ZNF850: variants seen among roughly 807,000 people sequenced by gnomAD.
ZNF850 encodes putative zinc finger protein ENSP00000330994.
In ZNF850, 2 loss-of-function variants were observed where a neutral mutation model predicts 11.9. The ratio of observed to expected loss-of-function variants is 0.17; its 90% CI spans 0.07 to 0.53. ZNF850 has a LOEUF of 0.53. ZNF850 is among the 20% of genes least tolerant of loss of function. The pLI is 0.94. For missense variants in ZNF850, 1,014 were observed against 1,316.4 expected (o/e 0.77, Z 3.55); for synonymous variants, 381 against 443.0 (o/e 0.86, Z 1.76).
chr19:36,757,779 G>C (rs113602689), intron 4 of ZNF850, among the ~76,000 whole-genome samples: 2,031 of 152,080 alleles, frequency 0.013, 50 homozygotes, highest in African/African-American at 0.046. Context: ...GCACACCTCA[G>C]CCTCCCAAAG....
At chr19:36,757,380 A>C (rs2040492633) in intron 4 of ZNF850, among the ~76,000 whole-genome samples, 1 of 152,128 alleles carries the variant, frequency 6.6e-6, no homozygotes, top group African/African-American at 2.4e-5. Context: ...TTTTACCATA[A>C]TTATAAATAA....
chr19:36,768,415 C>A (rs1354199883), intron 1 of ZNF850, among the ~76,000 whole-genome samples: 1 of 152,096 alleles, frequency 6.6e-6, no homozygotes, highest in Non-Finnish European at 1.5e-5. Context: ...TCAAGTATTT[C>A]TATTTATTTT....
Position 36,745,996 on chromosome 19 carries a change from T to A in ZNF850, c.*1771A>T, listed in dbSNP as rs576171365. ...AGATGTTTTCTCAGCAAGGTCTTTA[T>A]GACCTGTATCTTATGCTGACCTCAT... On this transcript the variant is annotated 3_prime_UTR_variant, in exon 5 of 5. Coordinates refer to ENST00000591344, the MANE Select transcript of ZNF850 (RefSeq NM_001193552.2). 9.8e-5 allele frequency: 15 copies of A among 152,384 alleles called. No individual in the cohort carries two copies. The highest frequency in any genetic ancestry group is 3.6e-4 in the African/African-American group (15 of 41,598). The allele number at this position is 152,384 out of a possible 1,614,324, so 9.4% of individuals were successfully genotyped here.
rs527764058 is a variant in ZNF850, at chr19:36,744,035, G to C, written c.*3732C>G. The C allele has an allele frequency of 6.6e-6, 1 of 152,250 alleles. No individual in the cohort carries two copies. The highest frequency in any genetic ancestry group is 1.5e-5 in the Non-Finnish European group (1 of 68,100). The allele number at this position is 152,250 out of a possible 1,614,324, so 9.4% of individuals were successfully genotyped here. ...TCTATTAAAAATACAAAATTAGCCG[G>C]GCGTGGTGGTGCATGCCTGTAATCC... is the stretch of plus-strand genomic sequence containing the variant. On this transcript the variant is annotated 3_prime_UTR_variant, in exon 5 of 5. Coordinates refer to ENST00000591344, the MANE Select transcript of ZNF850 (RefSeq NM_001193552.2).
intron 1 of ZNF850, among the ~76,000 whole-genome samples, chr19:36,765,247 G>GCTAACTTGAA (rs1456744867): frequency 6.6e-6 from 1 of 152,166 alleles, no homozygotes; most frequent in Non-Finnish European, 1.5e-5. Flanking sequence ...AGGCCAAAAA[G>GCTAACTTGAA]CTAACTTGAA....
At chr19:36,760,481 G>A (rs533935994) in intron 4 of ZNF850, among the ~76,000 whole-genome samples, 2 of 151,726 alleles carry the variant, frequency 1.3e-5, no homozygotes, top group East Asian at 3.9e-4. Flanking sequence ...TTATTAGACT[G>A]TAATTCTGAT....
Position 36,744,301 on chromosome 19 carries a change from AAG to A in ZNF850, c.*3464_*3465del, listed in dbSNP as rs1243517347. The A allele has an allele frequency of 2.6e-5, 4 of 152,186 alleles. No homozygotes were observed. Among genetic ancestry groups the A allele is most frequent in the African/African-American group, 7.2e-5 (3 of 41,444 alleles). The allele number at this position is 152,186 out of a possible 1,614,324, so 9.4% of individuals were successfully genotyped here. ...TAAAAAATTCTACTTTTTTCATAAA[AAG>A]AGTTAATTTTTAAAAGTGAAAAGTA... On this transcript the variant is annotated 3_prime_UTR_variant, in exon 5 of 5. Transcript: ENST00000591344.
intron 4 of ZNF850, among the ~76,000 whole-genome samples, chr19:36,754,446 A>G (rs548470803): frequency 1.3e-5 from 2 of 152,328 alleles, no homozygotes; most frequent in African/African-American, 4.8e-5. Flanking sequence ...AAAAAGATAT[A>G]ACAATTCTAA....
At position 36,747,881 on chromosome 19, in the gene ZNF850, G is replaced by T; in HGVS notation, c.3159C>A (p.Ser1053Arg). ...CGCCAGTGTGAACACTCTGATGTCG[G>T]CTGAGTCCTGAGGCATAGAAAAAGG... ...GKAFFYASGL[S>R]RHQSVHTGEK... is the part of the protein sequence containing the mutation. The change falls in exon 5 of 5, where the codon AGC becomes AGA. Residue 1053 changes from serine (S) to arginine (R), a missense_variant. Physicochemically the swap from Ser to Arg is moderately radical, Grantham distance 110. This residue lies in a region of ZNF850 where 179 missense variants were observed against 294.4 expected (regional missense o/e 0.61). Transcript: ENST00000591344. 1 of 1,575,060 alleles carries T rather than the reference G, an allele frequency of 6.3e-7. No homozygotes were observed.
chr19:36,749,313 A>G lies in ZNF850; in HGVS notation c.1727T>C (p.Leu576Pro). 2 of 1,561,846 alleles carry G rather than the reference A, an allele frequency of 1.3e-6. No homozygotes were observed. Among genetic ancestry groups the G allele is most frequent in the Non-Finnish European group, 1.7e-6 (2 of 1,157,766 alleles). ...AGTGTGAATTCGCTGATGTTGAATT[A>G]GTGCTGAGCGAGAAGTAAAAGATTT... ...CGKSFTSRSA[L>P]IQHQRIHTGE... The change falls in exon 5 of 5, where the codon CTA (leucine) becomes CCA (proline). Residue 576 changes from leucine (L) to proline (P), a missense_variant. By Grantham distance (98) the Leu-to-Pro change is moderately conservative. Coordinates refer to ENST00000591344, the MANE Select transcript of ZNF850 (RefSeq NM_001193552.2).
intron 1 of ZNF850, among the ~76,000 whole-genome samples, chr19:36,769,280 G>A (rs1227873): frequency 0.013 from 509 of 37,924 alleles, 36 homozygotes; most frequent in African/African-American, 0.048. Context: ...AAAAAAAAAA[G>A]AAAGAAAGAA....
intron 4 of ZNF850, among the ~76,000 whole-genome samples, chr19:36,753,767 T>G (rs373637787): frequency 1.3e-5 from 2 of 152,108 alleles, no homozygotes; most frequent in South Asian, 2.1e-4. Context: ...AGCATATATA[T>G]TTGCAAATGA....
chr19:36,762,369 G>A lies in ZNF850; in HGVS notation c.75C>T (p.Asp25=), dbSNP rs537315141. The change falls in exon 3 of 5, where the codon GAC becomes GAT. Residue 25 remains aspartate (D), a synonymous_variant. Transcript: ENST00000591344. ...DFSQEEWECL[D]AAQKDLYRDV... is the part of the protein sequence containing the mutation. ...CTCTGTATAAGTCCTTCTGAGCAGC[G>A]TCCAGGCACTCCCATTCCTCCTGAG... 979 of 1,587,668 alleles carry A rather than the reference G, an allele frequency of 6.2e-4. 16 individuals are homozygous for A. In the South Asian group the frequency reaches 0.01, roughly 16 times the overall value.
intron 4 of ZNF850, among the ~76,000 whole-genome samples, chr19:36,756,747 GGGACTACA>G (rs1169455138): frequency 2.0e-5 from 3 of 152,106 alleles, no homozygotes; most frequent in African/African-American, 4.8e-5. Context: ...CCAAGTAGCT[GGGACTACA>G]GGTATGCGCC....
chr19:36,771,637 A>AG (rs1480903372), intron 1 of ZNF850, among the ~76,000 whole-genome samples: 2 of 152,108 alleles, frequency 1.3e-5, no homozygotes, highest in Non-Finnish European at 2.9e-5. Flanking sequence ...GGGACCAATG[A>AG]GGGGGTGAAG....
rs1344759442 is a variant in ZNF850, at chr19:36,750,513, ATAC to A, written c.524_526del (p.Cys175_Met176delinsLeu). ...AAGTTCTGAGCCATACTTAAAAGCC[ATAC>A]ATTCTGTGGATTTATACAGTTTCTC... On this transcript the variant is annotated inframe_deletion, in exon 5 of 5. Coordinates refer to ENST00000591344, the MANE Select transcript of ZNF850 (RefSeq NM_001193552.2). 1 of 1,536,144 alleles carries A rather than the reference ATAC, an allele frequency of 6.5e-7. No homozygotes were observed. The highest frequency in any genetic ancestry group is 8.7e-7 in the Non-Finnish European group (1 of 1,146,934).
chr19:36,755,964 G>A (rs2040484104), intron 4 of ZNF850, among the ~76,000 whole-genome samples: 1 of 146,984 alleles, frequency 6.8e-6, no homozygotes, highest in Non-Finnish European at 1.5e-5. Context: ...GGAGTGCAGT[G>A]GTGTGTTCTT....
chr19:36,748,550 T>C lies in ZNF850; in HGVS notation c.2490A>G (p.Gln830=), dbSNP rs1568732356. Residue 830 remains glutamine, a synonymous_variant, in exon 5 of 5, where the codon CAA becomes CAG. Coordinates refer to ENST00000591344, the MANE Select transcript of ZNF850 (RefSeq NM_001193552.2). Reference sequence around the variant, plus strand: ...TCTCACCAGTGTGAACTGGCCGATGTTGAATTAGTGCTGAGCGAAGAGTAA... The same window carrying C: ...TCTCACCAGTGTGAACTGGCCGATGCTGAATTAGTGCTGAGCGAAGAGTAA... ...KSFTLRSALI[Q]HRPVHTGEKR... is the part of the protein sequence containing the mutation. 2.0e-6 allele frequency: 3 copies of C among 1,537,416 alleles called. No homozygotes were observed. Among genetic ancestry groups the C allele is most frequent in the Middle Eastern group, 3.3e-4 (2 of 5,992 alleles).
Position 36,749,257 on chromosome 19 carries a change from C to T in ZNF850, c.1783G>A (p.Gly595Arg). Residue 595 changes from glycine to arginine, a missense_variant, in exon 5 of 5, where the codon GGA becomes AGA. By Grantham distance (125) the Gly-to-Arg change is moderately radical. This residue lies in a region of ZNF850 where 835 missense variants were observed against 1,022.0 expected (regional missense o/e 0.82). Transcript: ENST00000591344. ...GTTGAGCCAACAGTAAAAGATTTTC[C>T]ACATTCCTTACAGTGATAGGGTTTC... ...GEKPYHCKEC[G>R]KSFTVGSTLL... 1.3e-6 allele frequency: 2 copies of T among 1,580,450 alleles called. No individual in the cohort carries two copies. The highest frequency in any genetic ancestry group is 1.7e-6 in the Non-Finnish European group (2 of 1,166,456).
Sources: allele counts gnomAD v4.1 joint callset (sites outside exome capture counted in the v4.1 genomes callset), GRCh38; gene constraint gnomAD v4.1.1; regional missense constraint gnomAD v4.1.1; transcripts MANE v1.5; gene names NCBI Gene and HGNC (gene_info 2026-07-23, HGNC 2026-07-21).